DZANK1: variants seen among roughly 807,000 people sequenced by gnomAD.
DZANK1 encodes double zinc ribbon and ankyrin repeat domains 1, also known as double zinc ribbon and ankyrin repeat-containing protein 1.
Under a neutral mutation model 94.5 loss-of-function variants are expected in DZANK1, and 91 were observed. The ratio of observed to expected loss-of-function variants is 0.96; its 90% CI spans 0.81 to 1.15. DZANK1 has a LOEUF of 1.15. DZANK1 is among the 50% of genes most tolerant of loss of function. The pLI, the probability that DZANK1 is intolerant of heterozygous loss-of-function variation, is 0.00. For missense variants in DZANK1, 903 were observed against 916.4 expected, an observed-to-expected ratio of 0.99 and a Z score of 0.19; for synonymous variants, 312 against 325.3, an observed-to-expected ratio of 0.96 and a Z score of 0.44.
At chr20:18,398,220 G>A (rs567372609) in intron 14 of DZANK1, 1 of 371,366 alleles carries the variant, frequency 2.7e-6, no homozygotes, top group South Asian at 3.6e-5. Flanking sequence ...GATCTGGATG[G>A]ATTAAATTGT....
intron 13 of DZANK1, among the ~76,000 whole-genome samples, chr20:18,407,526 T>C (rs535374772): frequency 7.9e-5 from 12 of 152,336 alleles, no homozygotes; most frequent in Admixed American, 7.2e-4. Flanking sequence ...GAAGAGCATC[T>C]ACAAGCATCA....
At chr20:18,445,089 G>A (rs1023984903) in intron 7 of DZANK1, among the ~76,000 whole-genome samples, 2 of 152,030 alleles carry the variant, frequency 1.3e-5, no homozygotes. Context: ...TTACAGGCGT[G>A]AGCCACCGCG....
chr20:18,389,835 C>T lies in DZANK1; in HGVS notation c.1891-7G>A. 7 of 1,613,758 alleles carry T rather than the reference C, an allele frequency of 4.3e-6. No individual in the cohort carries two copies. The highest frequency in any genetic ancestry group is 5.9e-6 in the Non-Finnish European group (7 of 1,179,758). On this transcript the variant is annotated splice_polypyrimidine_tract_variant and splice_region_variant and intron_variant, in intron 18 of 20. Coordinates refer to ENST00000262547, the Ensembl canonical transcript of DZANK1. ...AGCAGTTGGGGTCTGCTCCCTGCAG[C>T]AAACGGAAAAGGACAAACTCTCCAA...
intron 17 of DZANK1, among the ~76,000 whole-genome samples, chr20:18,393,346 G>C (rs1600724494): frequency 6.6e-6 from 1 of 152,178 alleles, no homozygotes; most frequent in South Asian, 2.1e-4. Context: ...AGGGACTTCA[G>C]GGTCCATCCT....
exon 17 of DZANK1, chr20:18,393,784 T>A (rs1200639817): frequency 6.2e-7 from 1 of 1,612,850 alleles, no homozygotes; most frequent in East Asian, 2.2e-5. Context: ...TTCAATAGTA[T>A]CTGAGGTACT....
chr20:18,427,627 G>A (rs2058101303), intron 9 of DZANK1, among the ~76,000 whole-genome samples: 1 of 152,094 alleles, frequency 6.6e-6, no homozygotes, highest in Admixed American at 6.6e-5. Context: ...GTGTGTGTGT[G>A]TGTGTGTGTG....
chr20:18,427,280 G>A, intron 9 of DZANK1, 121 bp from the exon 10 acceptor site: 2 of 612,664 alleles, frequency 3.3e-6, no homozygotes, highest in Middle Eastern at 2.7e-4. Context: ...CCCAGGCCCT[G>A]AATACTGGAT....
rs576894096 is a variant in DZANK1 at position 18,441,142 on chromosome 20, G to A, written c.747+2205C>T. ...TTGTAGTCATTGTCACTGTCATAGA[G>A]TCAAGTGCAGCAGTTACTTGGCCAT... On this transcript the variant is annotated intron_variant, in intron 8 of 20. Coordinates refer to ENST00000262547, the Ensembl canonical transcript of DZANK1. The surrounding 1 kb of genome is among the most constrained non-coding windows in gnomAD (Gnocchi z 4.1). Among the ~76,000 whole-genome samples, 1 of 152,262 alleles carries A rather than the reference G, an allele frequency of 6.6e-6. No individual in the cohort carries two copies. The highest frequency in any genetic ancestry group is 1.9e-4 in the East Asian group (1 of 5,182).
chr20:18,454,295 G>C (rs914034893), intron 4 of DZANK1: 4 of 325,966 alleles, frequency 1.2e-5, no homozygotes, highest in African/African-American at 6.5e-5. Context: ...ACATATGTTG[G>C]CTTAGCCCCC....
intron 7 of DZANK1, among the ~76,000 whole-genome samples, chr20:18,444,716 T>G (rs6136379): frequency 6.8e-6 from 1 of 147,546 alleles, no homozygotes; most frequent in Non-Finnish European, 1.5e-5. Flanking sequence ...AATTAGAACA[T>G]AGGAGTTGTC....
chr20:18,396,084 C>T (rs568071931), intron 15 of DZANK1, among the ~76,000 whole-genome samples: 27 of 152,304 alleles, frequency 1.8e-4, no homozygotes, highest in African/African-American at 6.0e-4. Context: ...TGTGGCAATG[C>T]CCCCGTCACC....
intron 14 of DZANK1, among the ~76,000 whole-genome samples, chr20:18,397,548 G>A (rs1230761588): frequency 6.6e-6 from 1 of 152,090 alleles, no homozygotes; most frequent in Non-Finnish European, 1.5e-5. Flanking sequence ...GTCAAATAAG[G>A]CTTCTTCTGA....
At chr20:18,404,768 C>A (rs1298740508) in intron 13 of DZANK1, among the ~76,000 whole-genome samples, 1 of 152,034 alleles carries the variant, frequency 6.6e-6, no homozygotes, top group East Asian at 1.9e-4. Context: ...AAAGAAGAGC[C>A]AGGAGTAGTG....
At chr20:18,399,232 T>C (rs1482804120) in intron 13 of DZANK1, among the ~76,000 whole-genome samples, 1 of 152,184 alleles carries the variant, frequency 6.6e-6, no homozygotes, top group Non-Finnish European at 1.5e-5. Flanking sequence ...CCTAATATTT[T>C]ATTTTATTTA....
intron 5 of DZANK1, 147 bp downstream of exon 5, chr20:18,453,584 T>A: frequency 1.6e-6 from 1 of 627,370 alleles, no homozygotes; most frequent in Non-Finnish European, 2.8e-6. Flanking sequence ...AAGGACGTCA[T>A]TAAAATTCAA....
At chr20:18,409,828 G>A (rs931060220) in intron 13 of DZANK1, among the ~76,000 whole-genome samples, 3 of 152,070 alleles carry the variant, frequency 2.0e-5, no homozygotes, top group Admixed American at 6.5e-5. Flanking sequence ...CTAGCACTTC[G>A]GGAGGCCAAG....
chr20:18,410,497 A>T (rs1459178774), intron 13 of DZANK1, among the ~76,000 whole-genome samples: 4 of 152,250 alleles, frequency 2.6e-5, no homozygotes, highest in African/African-American at 9.6e-5. Flanking sequence ...GCAGTAAAGG[A>T]GCAACAGAGG....
intron 10 of DZANK1, among the ~76,000 whole-genome samples, chr20:18,417,211 T>G (rs2057537749): frequency 1.3e-5 from 2 of 152,234 alleles, no homozygotes; most frequent in African/African-American, 4.8e-5. Context: ...AGAAATACAA[T>G]TTTTAGAACA....
At chr20:18,385,502 G>A (rs1471194700) in intron 19 of DZANK1, among the ~76,000 whole-genome samples, 2 of 148,484 alleles carry the variant, frequency 1.3e-5, no homozygotes, top group East Asian at 4.0e-4. Flanking sequence ...TGCAACCTCC[G>A]ACTCCCAGGT....
Sources: allele counts gnomAD v4.1 joint callset (sites outside exome capture counted in the v4.1 genomes callset), GRCh38; gene constraint gnomAD v4.1.1; non-coding constraint Gnocchi (gnomAD v3.1); transcripts MANE v1.5; gene names NCBI Gene and HGNC (gene_info 2026-07-23, HGNC 2026-07-21).